The following FAM184B variants were observed in gnomAD, a reference collection of about 807,000 sequenced individuals.
FAM184B encodes protein FAM184B.
In FAM184B, 111 loss-of-function variants were observed where a neutral mutation model predicts 135.9. That is an observed-to-expected ratio of 0.82 (90% confidence interval 0.70 to 0.96). The LOEUF is 0.96. FAM184B is among the 40% of genes least tolerant of loss of function. The pLI, the probability that FAM184B is intolerant of heterozygous loss-of-function variation, is 0.00. For synonymous variants in FAM184B, 552 were observed against 524.8 expected (o/e 1.05, Z -0.71); for missense variants, 1,375 against 1,323.9 (o/e 1.04, Z -0.60).
chr4:17,661,444 CT>C (rs1560170666), intron 8 of FAM184B, among the ~76,000 whole-genome samples: 1 of 151,992 alleles, frequency 6.6e-6, no homozygotes, highest in Non-Finnish European at 1.5e-5. Flanking sequence ...CCCAGCTACT[CT>C]GGAGGCTGAG....
chr4:17,649,301 T>C (rs1354389775), intron 11 of FAM184B, among the ~76,000 whole-genome samples: 1 of 152,108 alleles, frequency 6.6e-6, no homozygotes, highest in Non-Finnish European at 1.5e-5. Context: ...AGATGAAAAA[T>C]TGGCCAGGCG....
rs530294874 is a variant in FAM184B at position 17,659,938 on chromosome 4, C to A, written c.1824+20G>T. The stretch of plus-strand genomic sequence containing the variant: ...GCAGGATCTCAGGAAGGGGGCACAT[C>A]CCCACCAGGGTTGTCCTACCTGGGC... On this transcript the variant is annotated intron_variant, in intron 9 of 17. Coordinates refer to ENST00000265018, the MANE Select transcript of FAM184B (RefSeq NM_015688.2). 4 of 1,549,350 alleles carry A rather than the reference C, an allele frequency of 2.6e-6. No individual in the cohort carries two copies. Among genetic ancestry groups the A allele is most frequent in the Non-Finnish European group, 3.5e-6 (4 of 1,146,468 alleles).
intron 6 of FAM184B, among the ~76,000 whole-genome samples, chr4:17,691,555 A>C (rs1294974658): frequency 6.6e-6 from 1 of 152,028 alleles, no homozygotes; most frequent in Non-Finnish European, 1.5e-5. Context: ...GTGTGGTGGC[A>C]TGCGCCTGTA....
chr4:17,752,408 TG>T (rs1718325819), intron 1 of FAM184B, among the ~76,000 whole-genome samples: 1 of 151,606 alleles, frequency 6.6e-6, no homozygotes, highest in Non-Finnish European at 1.5e-5. Context: ...AATGAATGGT[TG>T]GGTGGGTCAA....
At chr4:17,719,806 T>C (rs780360787) in intron 1 of FAM184B, among the ~76,000 whole-genome samples, 14 of 152,206 alleles carry the variant, frequency 9.2e-5, no homozygotes, top group Non-Finnish European at 1.8e-4. Context: ...AATCAGGCTT[T>C]TACACCAACT....
rs1717186099 is a variant in FAM184B at position 17,709,041 on chromosome 4, C to T, written c.745G>A (p.Glu249Lys). The T allele has an allele frequency of 1.9e-6, 3 of 1,550,450 alleles. No homozygotes were observed. Among genetic ancestry groups the T allele is most frequent in the Middle Eastern group, 1.7e-4 (1 of 5,992 alleles). ...TTCTTGCGGAGGTCCGACTCCTTCT[C>T]CTGCCACTGCCACAGGGCCTGGCTC... ...SVSQALWQWQ[E>K]KESDLRKNFQ... is the part of the protein sequence containing the mutation. Residue 249 changes from glutamate (E) to lysine (K), a missense_variant, in exon 2 of 18, where the codon GAG becomes AAG. Coordinates refer to ENST00000265018, the MANE Select transcript of FAM184B (RefSeq NM_015688.2).
chr4:17,668,680 G>A (rs964972867), intron 7 of FAM184B, among the ~76,000 whole-genome samples: 2 of 152,174 alleles, frequency 1.3e-5, no homozygotes, highest in African/African-American at 4.8e-5. Context: ...CTACAGGCGT[G>A]TGACAACACG....
chr4:17,720,338 C>T (rs1036812075), intron 1 of FAM184B, among the ~76,000 whole-genome samples: 1 of 152,122 alleles, frequency 6.6e-6, no homozygotes, highest in South Asian at 2.1e-4. Flanking sequence ...ACAGGAACTC[C>T]TTTCTTTCAA....
At chr4:17,670,430 G>A (rs1189798776) in intron 7 of FAM184B, among the ~76,000 whole-genome samples, 1 of 152,190 alleles carries the variant, frequency 6.6e-6, no homozygotes, top group African/African-American at 2.4e-5. Context: ...AGGATCTCAT[G>A]ACAGTTATTA....
At chr4:17,643,613 G>A (rs73800322) in intron 12 of FAM184B, among the ~76,000 whole-genome samples, 10,134 of 152,218 alleles carry the variant, frequency 0.067, 431 homozygotes, top group Middle Eastern at 0.095. Context: ...AATGGAACAC[G>A]TTCTGTCTTC....
intron 7 of FAM184B, among the ~76,000 whole-genome samples, chr4:17,669,274 T>TA (rs888045969): frequency 2.0e-5 from 3 of 151,904 alleles, no homozygotes; most frequent in South Asian, 2.1e-4. Context: ...ATTTTGGGCA[T>TA]AAAAAAAATC....
intron 17 of FAM184B, chr4:17,633,439 A>G (rs1715024256): frequency 2.8e-6 from 1 of 358,590 alleles, no homozygotes; most frequent in African/African-American, 2.1e-5. Context: ...AGGTCAAGTG[A>G]CCTGTCCAAG....
At chr4:17,684,848 G>A (rs1716540555) in intron 7 of FAM184B, among the ~76,000 whole-genome samples, 1 of 152,142 alleles carries the variant, frequency 6.6e-6, no homozygotes, top group South Asian at 2.1e-4. Flanking sequence ...CACCACCATG[G>A]AATACTATGC....
At chr4:17,770,112 C>G (rs1444631257) in intron 1 of FAM184B, among the ~76,000 whole-genome samples, 1 of 152,158 alleles carries the variant, frequency 6.6e-6, no homozygotes, top group Non-Finnish European at 1.5e-5. Context: ...CAGGAGCTAC[C>G]TCAAGTGACC....
At chr4:17,751,978 A>G (rs1340609978) in intron 1 of FAM184B, among the ~76,000 whole-genome samples, 1 of 151,964 alleles carries the variant, frequency 6.6e-6, no homozygotes, top group African/African-American at 2.4e-5. Context: ...CAGGAAAAAA[A>G]AAAAAAAGAA....
chr4:17,711,233 G>A (rs868495910), intron 1 of FAM184B, among the ~76,000 whole-genome samples: 1 of 151,898 alleles, frequency 6.6e-6, no homozygotes, highest in Non-Finnish European at 1.5e-5. Flanking sequence ...TGTAATCCCA[G>A]CACTTTGGAG....
chr4:17,732,110 A>T (rs200462669), intron 1 of FAM184B, among the ~76,000 whole-genome samples: 1 of 152,068 alleles, frequency 6.6e-6, no homozygotes. Flanking sequence ...AAATGAAGGC[A>T]GAAATAAAGA....
At position 17,693,378 on chromosome 4, in the gene FAM184B, T is replaced by A. The variant is rs1158887070; in HGVS notation, c.1412A>T (p.Lys471Ile). ...CAGCTGCTTTATCTCCTTTTCTGAT[T>A]TCTTCCTCACTTCCTCCAACTGTGC... ...VEAQLEEVRK[K>I]SEKEIKQLEE... is the part of the protein sequence containing the mutation. Residue 471 changes from lysine to isoleucine, a missense_variant, in exon 6 of 18, where the codon AAA becomes ATA. Lys to Ile is a moderately radical substitution (Grantham distance 102). Coordinates refer to ENST00000265018, the MANE Select transcript of FAM184B (RefSeq NM_015688.2). The A allele has an allele frequency of 1.3e-6, 2 of 1,551,622 alleles. No homozygotes were observed. Among genetic ancestry groups the A allele is most frequent in the Non-Finnish European group, 1.7e-6 (2 of 1,147,002 alleles).
intron 10 of FAM184B, among the ~76,000 whole-genome samples, chr4:17,656,704 C>CT (rs201486495): frequency 0.015 from 2,343 of 152,154 alleles, 69 homozygotes; most frequent in African/African-American, 0.053. Context: ...GCTCGACTTT[C>CT]TTTTTTTTAA....
Sources: gnomAD v4.1 joint callset for allele counts (sites outside exome capture counted in the v4.1 genomes callset) on GRCh38, gnomAD v4.1.1 for gene constraint, MANE v1.5 for transcripts, NCBI Gene and HGNC (gene_info 2026-07-23, HGNC 2026-07-21) for gene names.